The following DNAH10 variants were observed in gnomAD, a reference collection of about 807,000 sequenced individuals.
DNAH10 encodes dynein axonemal heavy chain 10, also known as axonemal beta dynein heavy chain 10.
Under a neutral mutation model 506.6 loss-of-function variants are expected in DNAH10, and 348 were observed. The observed-to-expected ratio is 0.69, with a 90% confidence interval of 0.63 to 0.75. DNAH10 has a LOEUF of 0.75. DNAH10 is among the 30% of genes least tolerant of loss of function. DNAH10 has a pLI of 0.00. For synonymous variants in DNAH10, 2,059 were observed against 2,198.6 expected (o/e 0.94, Z 1.78); for missense variants, 5,179 against 5,787.1 (o/e 0.89, Z 3.41).
At position 123,800,281 on chromosome 12, in the gene DNAH10, A is replaced by G. The variant is rs1306355156; in HGVS notation, c.2355A>G (p.Ser785=). The change falls in exon 15 of 79, where the codon TCA becomes TCG. Residue 785 remains serine (S), a synonymous_variant. Transcript: ENST00000673944. ...GAGCTGTTTTTGCAATCAACTTTTC[A>G]CCGGCTCTCAGAGAGATTATTAATG... ...ERGAVFAINF[S]PALREIINET... 5 of 1,614,132 alleles carry G rather than the reference A, an allele frequency of 3.1e-6. No homozygotes were observed. The East Asian group carries it at 6.7e-5, about 22-fold the overall frequency.
intron 23 of DNAH10, 113 bp from the exon 24 acceptor site, chr12:123,820,467 G>T (rs79196160): frequency 2.7e-6 from 3 of 1,092,156 alleles, no homozygotes; most frequent in Non-Finnish European, 3.9e-6. Flanking sequence ...TTGTCTTCCC[G>T]TGTGGTTTAT....
At chr12:123,929,148 G>A in intron 70 of DNAH10, 127 bp from the exon 71 acceptor site, 2 of 932,302 alleles carry the variant, frequency 2.1e-6, no homozygotes, top group Non-Finnish European at 3.3e-6. Flanking sequence ...AGAGACTTTA[G>A]CTATTGGAGG....
chr12:123,834,191 G>GT (rs1243497461), intron 27 of DNAH10, among the ~76,000 whole-genome samples: 2 of 152,118 alleles, frequency 1.3e-5, no homozygotes, highest in Admixed American at 1.3e-4. Flanking sequence ...ATATAGCACT[G>GT]TTTTTTAATT....
intron 39 of DNAH10, among the ~76,000 whole-genome samples, chr12:123,862,816 CTG>C (rs1951663294): frequency 6.6e-5 from 10 of 152,072 alleles, no homozygotes; most frequent in Admixed American, 5.9e-4. Context: ...TTTGATAATT[CTG>C]CTGTGGTTGT....
chr12:123,903,174 A>G lies in DNAH10; in HGVS notation c.9815+61A>G. On this transcript the variant is annotated intron_variant, in intron 57 of 78. Coordinates refer to ENST00000673944, the MANE Select transcript of DNAH10 (RefSeq NM_001372106.1). The surrounding 1 kb of genome is among the most constrained non-coding windows in gnomAD (Gnocchi z 4.6). ...CCACCTCTGCAAGCCAGTAGTCTCC[A>G]TGATCGTGGCAACCAGGAGCTTACA... is the stretch of plus-strand genomic sequence containing the variant. 1 of 1,512,096 alleles carries G rather than the reference A, an allele frequency of 6.6e-7. No homozygotes were observed. Among genetic ancestry groups the G allele is most frequent in the Non-Finnish European group, 8.9e-7 (1 of 1,129,194 alleles). 93.7% of individuals were successfully genotyped at this position (1,512,096 alleles called of 1,614,324 possible). A position where few individuals can be genotyped will look rare whatever the true frequency, so the allele number is the denominator to read the frequency against.
At chr12:123,769,556 C>T (rs1180240818) in intron 2 of DNAH10, among the ~76,000 whole-genome samples, 3 of 152,136 alleles carry the variant, frequency 2.0e-5, no homozygotes, top group East Asian at 3.8e-4. Flanking sequence ...AAGGCACTCT[C>T]GGCTTCGGAG....
In DNAH10 at chr12:123,785,636, GAAA is replaced by G. The variant is rs35755869; in HGVS notation, c.1231-94_1231-92del. ...CCTGGGCACCAGACTTGGTCTCAAG[GAAA>G]AAAAAAAAAAAAAAAGAGTGAAACT... is the stretch of plus-strand genomic sequence containing the variant. On this transcript the variant is annotated intron_variant, in intron 8 of 78. Transcript: ENST00000673944. This position sits in a 1 kb window ranked among gnomAD's most constrained non-coding sequence, Gnocchi z 4.1. 0.02 allele frequency: 13,889 copies of G among 694,974 alleles called. No homozygotes were observed. Among genetic ancestry groups the G allele is most frequent in the East Asian group, 0.04 (1,107 of 27,488 alleles). 43.1% of individuals were successfully genotyped at this position (694,974 alleles called of 1,614,324 possible).
intron 72 of DNAH10, 54 bp downstream of exon 72, chr12:123,929,813 G>C (rs1955123381): frequency 1.3e-6 from 2 of 1,516,688 alleles, no homozygotes; most frequent in African/African-American, 1.4e-5. Context: ...CAGAGCTGTG[G>C]CCTCGTGCCC....
chr12:123,775,465 A>C (rs1220382194), intron 5 of DNAH10, among the ~76,000 whole-genome samples: 3 of 152,244 alleles, frequency 2.0e-5, no homozygotes, highest in Admixed American at 2.0e-4. Flanking sequence ...TTCATGAATG[A>C]TAAGTTATTA....
chr12:123,827,587 C>T (rs1960123262), intron 25 of DNAH10, among the ~76,000 whole-genome samples: 1 of 152,148 alleles, frequency 6.6e-6, no homozygotes, highest in Non-Finnish European at 1.5e-5. Flanking sequence ...GAGTTACAGT[C>T]CTCATTTGTG....
chr12:123,810,718 G>T (rs1958900552), intron 19 of DNAH10, among the ~76,000 whole-genome samples: 1 of 152,084 alleles, frequency 6.6e-6, no homozygotes, highest in Admixed American at 6.6e-5. Context: ...TGAATAAACG[G>T]TACATGTTTT....
chr12:123,869,624 C>G (rs1044372070), intron 43 of DNAH10, among the ~76,000 whole-genome samples: 4 of 152,200 alleles, frequency 2.6e-5, no homozygotes, highest in African/African-American at 9.6e-5. Flanking sequence ...AGCTGAAAAG[C>G]CTATAGCTCC....
rs775509986 is a variant in DNAH10, at chr12:123,932,007, C to T, written c.13195C>T (p.His4399Tyr). ...DDVARSLFIGHIPNIWRRLAP... is the reference protein window; with the variant it reads ...DDVARSLFIGYIPNIWRRLAP... ...TGTGGCCAGGTCTCTTTTTATCGGGCATATCCCTAATATCTGGAGAAGGCT... is the reference window on the plus strand; with the variant it reads ...TGTGGCCAGGTCTCTTTTTATCGGGTATATCCCTAATATCTGGAGAAGGCT... The change falls in exon 76 of 79, where the codon CAT becomes TAT. Residue 4399 changes from histidine (H) to tyrosine (Y), a missense_variant. Around this residue, in one of 3 missense-constraint regions of DNAH10, gnomAD observed 4,844 missense variants for 5,430.5 expected, o/e 0.89. Transcript: ENST00000673944. 44 of 1,613,890 alleles carry T rather than the reference C, an allele frequency of 2.7e-5. No homozygotes were observed. The highest frequency in any genetic ancestry group is 3.6e-5 in the Non-Finnish European group (43 of 1,179,900).
intron 11 of DNAH10, among the ~76,000 whole-genome samples, chr12:123,790,901 G>C (rs943113532): frequency 2.0e-5 from 3 of 152,162 alleles, no homozygotes; most frequent in Non-Finnish European, 2.9e-5. Context: ...GAGGAGAGAG[G>C]ACTGCTTGAA....
intron 14 of DNAH10, among the ~76,000 whole-genome samples, chr12:123,799,577 A>C (rs1219473290): frequency 1.3e-5 from 2 of 152,160 alleles, no homozygotes; most frequent in African/African-American, 4.8e-5. Flanking sequence ...GGGCAGCCCT[A>C]CTGACTTCTT....
rs1487667394 is a variant in DNAH10, at chr12:123,907,319, G to A, written c.9816-1942G>A. ...CAGGGGTAGAGTACTGGGAGGTGGG[G>A]AGTGGGGTTTATAAGGATTATTTTC... On this transcript the variant is annotated intron_variant, in intron 57 of 78. Coordinates refer to ENST00000673944, the MANE Select transcript of DNAH10 (RefSeq NM_001372106.1). This position sits in a 1 kb window ranked among gnomAD's most constrained non-coding sequence, Gnocchi z 4.4. Among the ~76,000 whole-genome samples, 12 of 152,288 alleles carry A rather than the reference G, an allele frequency of 7.9e-5. No homozygotes were observed. In the South Asian group the frequency reaches 1.9e-3, roughly 24 times the overall value.
chr12:123,857,357 A>G (rs757503901), intron 37 of DNAH10, 110 bp downstream of exon 37: 57 of 949,698 alleles, frequency 6.0e-5, no homozygotes, highest in Non-Finnish European at 8.0e-5. Flanking sequence ...AAGTTTCACC[A>G]TCTTAACCAT....
At chr12:123,822,853 G>C (rs77249154) in intron 24 of DNAH10, among the ~76,000 whole-genome samples, 4 of 152,292 alleles carry the variant, frequency 2.6e-5, no homozygotes, top group Non-Finnish European at 5.9e-5. Context: ...CCTTTTGTTC[G>C]ATTCAGGCCT....
chr12:123,839,229 A>C (rs113718158), intron 29 of DNAH10, among the ~76,000 whole-genome samples: 1 of 131,734 alleles, frequency 7.6e-6, no homozygotes, highest in African/African-American at 4.1e-5. Context: ...AAAAAAAAAA[A>C]AACAAAAAAA....
Sources: allele counts gnomAD v4.1 joint callset (sites outside exome capture counted in the v4.1 genomes callset), GRCh38; gene constraint gnomAD v4.1.1; regional missense constraint gnomAD v4.1.1; non-coding constraint Gnocchi (gnomAD v3.1); transcripts MANE v1.5; gene names NCBI Gene and HGNC (gene_info 2026-07-23, HGNC 2026-07-21).